Variants in BRF1 observed in about 807,000 individuals in gnomAD.
BRF1 encodes the protein BRF1 general transcription factor IIIB subunit, also known as transcription factor IIIB 90 kDa subunit.
BRF1 carries 59 observed loss-of-function variants against 81.7 expected under a neutral mutation model. The ratio of observed to expected loss-of-function variants is 0.72; its 90% CI spans 0.59 to 0.90. BRF1 has a LOEUF of 0.90. Ranked by LOEUF, BRF1 falls within the 40% of genes least tolerant of loss-of-function variation. BRF1 has a pLI of 0.00. For synonymous variants in BRF1, 491 were observed against 395.6 expected, an observed-to-expected ratio of 1.24 and a Z score of -2.86; for missense variants, 1,050 against 936.3, an observed-to-expected ratio of 1.12 and a Z score of -1.58.
At chr14:105,262,973 G>A (rs2816615) in intron 3 of BRF1, among the ~76,000 whole-genome samples, 30,893 of 151,822 alleles carry the variant, frequency 0.2, 3,809 homozygotes, top group Middle Eastern at 0.27. Context: ...GGACACGGTG[G>A]CTCACGCCTG....
At chr14:105,248,985 G>A (rs1169386538) in intron 5 of BRF1, 8 of 986,520 alleles carry the variant, frequency 8.1e-6, no homozygotes, top group Non-Finnish European at 9.6e-6. Flanking sequence ...CAGCGCCCCC[G>A]CGCCAGCGCC....
At chr14:105,253,566 G>A (rs2055722915) in intron 4 of BRF1, among the ~76,000 whole-genome samples, 1 of 152,248 alleles carries the variant, frequency 6.6e-6, no homozygotes, top group Non-Finnish European at 1.5e-5. Context: ...AGGGTACTGG[G>A]AGACCTAAGG....
intron 6 of BRF1, among the ~76,000 whole-genome samples, chr14:105,229,449 G>C (rs1480677392): frequency 6.6e-6 from 1 of 152,234 alleles, no homozygotes; most frequent in Admixed American, 6.5e-5. Context: ...AGTGGACTCT[G>C]TGGGCACGAG....
chr14:105,229,443 G>C (rs1356967762), intron 6 of BRF1, among the ~76,000 whole-genome samples: 1 of 152,232 alleles, frequency 6.6e-6, no homozygotes, highest in South Asian at 2.1e-4. Flanking sequence ...GGGTAGAGTG[G>C]ACTCTGTGGG....
chr14:105,259,556 T>C (rs1441147545), intron 3 of BRF1, among the ~76,000 whole-genome samples: 1 of 152,198 alleles, frequency 6.6e-6, no homozygotes, highest in South Asian at 2.1e-4. Flanking sequence ...AATACAAGAA[T>C]ACTCTGGCTG....
At chr14:105,240,994 G>A (rs1037483280) in intron 6 of BRF1, among the ~76,000 whole-genome samples, 5 of 152,170 alleles carry the variant, frequency 3.3e-5, no homozygotes, top group South Asian at 2.1e-4. Flanking sequence ...CCATGCAGCC[G>A]CACCCCAGAA....
intron 5 of BRF1, chr14:105,247,374 C>A: frequency 6.1e-6 from 6 of 985,466 alleles, no homozygotes; most frequent in Non-Finnish European, 7.2e-6. Flanking sequence ...CTCGGGCACC[C>A]CATTCCTGGG....
chr14:105,305,741 T>C (rs938447240), upstream of BRF1, among the ~76,000 whole-genome samples: 2 of 152,144 alleles, frequency 1.3e-5, no homozygotes, highest in Non-Finnish European at 2.9e-5. Flanking sequence ...CCCAGGAAGC[T>C]TGGAAACATT....
chr14:105,290,751 T>C (rs2057477415), intron 1 of BRF1, among the ~76,000 whole-genome samples: 1 of 151,888 alleles, frequency 6.6e-6, no homozygotes, highest in South Asian at 2.1e-4. Flanking sequence ...CAGCCTCCCA[T>C]ACCCTCCTCA....
intron 1 of BRF1, among the ~76,000 whole-genome samples, chr14:105,312,456 C>T (rs941565543): frequency 1.3e-5 from 2 of 152,234 alleles, no homozygotes; most frequent in Admixed American, 1.3e-4. Flanking sequence ...CCTCCCCAAC[C>T]GTGCCCAGCC....
At chr14:105,226,919 G>A (rs1335589003) in intron 7 of BRF1, 159 bp from the exon 8 acceptor site, 1 of 1,009,894 alleles carries the variant, frequency 9.9e-7, no homozygotes, top group Non-Finnish European at 1.4e-6. Flanking sequence ...GACCAGCCTA[G>A]GCAACACAGT....
chr14:105,253,547 G>A (rs1402348276), intron 4 of BRF1, among the ~76,000 whole-genome samples: 3 of 152,254 alleles, frequency 2.0e-5, no homozygotes, highest in African/African-American at 7.2e-5. Context: ...CCAGGTGCTT[G>A]CTGACTCCAG....
intron 3 of BRF1, among the ~76,000 whole-genome samples, chr14:105,265,476 G>T (rs1295456523): frequency 6.6e-6 from 1 of 152,208 alleles, no homozygotes; most frequent in East Asian, 1.9e-4. Flanking sequence ...AGTGGGCCGG[G>T]TGCAGTGGTT....
At position 105,271,286 on chromosome 14, in the gene BRF1, ATGG is replaced by A. The variant is rs2056641985; in HGVS notation, c.439+1432_439+1434del. Among the ~76,000 whole-genome samples the A allele has an allele frequency of 6.6e-6, 1 of 152,252 alleles. No individual in the cohort carries two copies. On this transcript the variant is annotated intron_variant, in intron 3 of 17. Coordinates refer to ENST00000547530, the MANE Select transcript of BRF1 (RefSeq NM_001519.4). The surrounding 1 kb of genome is among the most constrained non-coding windows in gnomAD (Gnocchi z 5.5). ...GAAGCTGTCAGAGAGCAAAGGCCTG[ATGG>A]GCTCACACTGCCGTGAGATTTCTGA...
intron 10 of BRF1, among the ~76,000 whole-genome samples, chr14:105,223,314 G>A (rs1009591367): frequency 2.7e-5 from 4 of 148,822 alleles, no homozygotes; most frequent in African/African-American, 5.1e-5. Context: ...GTTCACGAGC[G>A]CATCTGAAAC....
chr14:105,212,262 G>A (rs769455295), intron 15 of BRF1, 98 bp from the exon 16 acceptor site: 2 of 1,473,578 alleles, frequency 1.4e-6, no homozygotes, highest in Middle Eastern at 3.5e-4. Flanking sequence ...AGTGTTAATT[G>A]ACTGTTTCTC....
At chr14:105,262,274 G>T (rs1025529046) in intron 3 of BRF1, among the ~76,000 whole-genome samples, 7 of 152,182 alleles carry the variant, frequency 4.6e-5, no homozygotes, top group African/African-American at 1.7e-4. Flanking sequence ...GAGCAGCCCT[G>T]CCCTCCCGAA....
intron 1 of BRF1, among the ~76,000 whole-genome samples, chr14:105,295,995 C>A (rs1181828375): frequency 1.3e-5 from 2 of 148,464 alleles, no homozygotes; most frequent in South Asian, 4.3e-4. Flanking sequence ...GCAGGAGAAT[C>A]GCTTGAACCC....
At chr14:105,212,977 G>A (rs1412903305) in intron 15 of BRF1, 1 of 152,232 alleles carries the variant, frequency 6.6e-6, no homozygotes, top group Non-Finnish European at 1.5e-5. Flanking sequence ...GCTGATAGCA[G>A]GTGTGAGCCA....
Sources: allele counts gnomAD v4.1 joint callset (sites outside exome capture counted in the v4.1 genomes callset), GRCh38; gene constraint gnomAD v4.1.1; non-coding constraint Gnocchi (gnomAD v3.1); transcripts MANE v1.5; gene names NCBI Gene and HGNC (gene_info 2026-07-23, HGNC 2026-07-21).